Variants in NCOA2 observed in about 807,000 individuals in gnomAD.
The protein encoded by NCOA2 is class E basic helix-loop-helix protein 75.
NCOA2 carries 21 observed loss-of-function variants against 145.1 expected under a neutral mutation model. That is an observed-to-expected ratio of 0.14 (90% CI 0.10 to 0.21). NCOA2 has a LOEUF of 0.21. Ranked by LOEUF, NCOA2 falls within the 10% of genes least tolerant of loss-of-function variation. The pLI is 1.00. For missense variants in NCOA2, 1,472 were observed against 1,837.6 expected (o/e 0.80, Z 3.64); for synonymous variants, 619 against 637.5 (o/e 0.97, Z 0.44).
At chr8:70,404,168 G>A (rs1814646976), upstream of NCOA2, among the ~76,000 whole-genome samples, 1 of 152,214 alleles carries the variant, frequency 6.6e-6, no homozygotes, top group Non-Finnish European at 1.5e-5. Context: ...TAAGGGGACA[G>A]GGGACAAAAT....
intron 12 of NCOA2, among the ~76,000 whole-genome samples, 190 bp downstream of exon 12, chr8:70,148,083 A>G (rs536279675): frequency 1.3e-5 from 2 of 152,190 alleles, no homozygotes; most frequent in East Asian, 3.8e-4. Context: ...CCACAAGAGA[A>G]TGTGAGAGAA....
intron 2 of NCOA2, among the ~76,000 whole-genome samples, chr8:70,284,297 T>C (rs1240226344): frequency 1.3e-5 from 2 of 152,216 alleles, no homozygotes; most frequent in East Asian, 1.9e-4. Context: ...CTCCTCTTTC[T>C]CTTTCACTCC....
chr8:70,225,422 G>GC (rs888852736), intron 2 of NCOA2, among the ~76,000 whole-genome samples: 2 of 151,994 alleles, frequency 1.3e-5, no homozygotes, highest in African/African-American at 2.4e-5. Flanking sequence ...GTTGGCGCAT[G>GC]CCTGTAATCC....
intron 1 of NCOA2, among the ~76,000 whole-genome samples, chr8:70,321,779 G>A (rs1447186943): frequency 8.8e-6 from 1 of 113,556 alleles, no homozygotes; most frequent in African/African-American, 3.2e-5. Context: ...GCTTTCCTAA[G>A]TTTCAGAATA....
chr8:70,249,441 C>T (rs1822913027), intron 2 of NCOA2, among the ~76,000 whole-genome samples: 1 of 152,110 alleles, frequency 6.6e-6, no homozygotes, highest in Non-Finnish European at 1.5e-5. Flanking sequence ...ATATGCAGTG[C>T]CTGAGCAAGT....
chr8:70,215,437 G>C (rs1819511158), intron 3 of NCOA2, among the ~76,000 whole-genome samples: 1 of 152,216 alleles, frequency 6.6e-6, no homozygotes, highest in Non-Finnish European at 1.5e-5. Context: ...CTGACAGACA[G>C]AAGTTTGTGG....
chr8:70,167,912 T>C (rs548305424), intron 6 of NCOA2, among the ~76,000 whole-genome samples: 19 of 152,370 alleles, frequency 1.2e-4, no homozygotes, highest in African/African-American at 4.1e-4. Context: ...TCCAAAGACA[T>C]GTTCAACTAC....
chr8:70,156,521 G>T lies in NCOA2; in HGVS notation c.1844C>A (p.Pro615His). 6.2e-7 allele frequency: 1 copy of T among 1,613,798 alleles called. No homozygotes were observed. The highest frequency in any genetic ancestry group is 8.5e-7 in the Non-Finnish European group (1 of 1,179,854). The change falls in exon 11 of 23, where the codon CCC becomes CAC. Residue 615 changes from proline to histidine, a missense_variant. Physicochemically the swap from Pro to His is moderately conservative, Grantham distance 77. This residue lies in a region of NCOA2 where 953 missense variants were observed against 1,062.1 expected (regional missense o/e 0.90). Transcript: ENST00000452400. ...ACTGCTCACGGCCGGGGGCAGGTTG[G>T]GGTCATTTGTTTCCTTTTGCTCTCC... Reference protein sequence around the residue: ...HPGEQKETNDPNLPPAVSSER... With the variant: ...HPGEQKETNDHNLPPAVSSER...
At chr8:70,195,676 A>G (rs1007353286) in intron 4 of NCOA2, among the ~76,000 whole-genome samples, 2 of 152,228 alleles carry the variant, frequency 1.3e-5, no homozygotes, top group Admixed American at 6.5e-5. Flanking sequence ...AAAGTTCTTG[A>G]TATTTACAAG....
the NCOA2 span, among the ~76,000 whole-genome samples, chr8:70,451,253 T>C: frequency 7.6e-6 from 1 of 131,896 alleles, no homozygotes; most frequent in Non-Finnish European, 1.6e-5. Flanking sequence ...TATATATATA[T>C]ATAAATTAGC....
chr8:70,421,463 C>A, the NCOA2 span, among the ~76,000 whole-genome samples: 9 of 152,034 alleles, frequency 5.9e-5, no homozygotes, highest in Non-Finnish European at 1.2e-4. Flanking sequence ...GATGCGGAGG[C>A]AGGAGGATTG....
chr8:70,272,511 A>AT (rs1247001246), intron 2 of NCOA2, among the ~76,000 whole-genome samples: 2 of 151,618 alleles, frequency 1.3e-5, no homozygotes, highest in South Asian at 2.1e-4. Flanking sequence ...TAAGAGGCTA[A>AT]TTTTTTTTTC....
chr8:70,175,818 CTG>C (rs758651439), intron 4 of NCOA2, among the ~76,000 whole-genome samples: 32 of 152,046 alleles, frequency 2.1e-4, no homozygotes, highest in Non-Finnish European at 4.1e-4. Flanking sequence ...AAATAGAAAA[CTG>C]TAAATCAATT....
intron 1 of NCOA2, among the ~76,000 whole-genome samples, chr8:70,390,425 T>G (rs980057149): frequency 4.6e-5 from 7 of 152,180 alleles, no homozygotes; most frequent in Non-Finnish European, 1.0e-4. Flanking sequence ...GACAAAATCT[T>G]TCCTGCCCAC....
At chr8:70,265,714 G>C (rs1158324980) in intron 2 of NCOA2, among the ~76,000 whole-genome samples, 1 of 152,106 alleles carries the variant, frequency 6.6e-6, no homozygotes, top group African/African-American at 2.4e-5. Context: ...CTGAACCAAC[G>C]CATAGCCTCT....
At chr8:70,195,721 GT>G (rs1478022104) in intron 4 of NCOA2, among the ~76,000 whole-genome samples, 1 of 152,166 alleles carries the variant, frequency 6.6e-6, no homozygotes, top group Non-Finnish European at 1.5e-5. Context: ...AGGAATCACT[GT>G]TTCATCTGAT....
chr8:70,182,814 C>G (rs535157236), intron 4 of NCOA2, among the ~76,000 whole-genome samples: 1 of 152,054 alleles, frequency 6.6e-6, no homozygotes, highest in Non-Finnish European at 1.5e-5. Context: ...CCTATAGGAG[C>G]TTAAATTTAA....
intron 1 of NCOA2, among the ~76,000 whole-genome samples, chr8:70,366,515 CAT>C (rs1020783294): frequency 4.0e-5 from 6 of 149,798 alleles, no homozygotes; most frequent in Non-Finnish European, 4.4e-5. Context: ...GAGAAGAGTT[CAT>C]ATATATATAT....
intron 1 of NCOA2, among the ~76,000 whole-genome samples, chr8:70,306,383 A>C (rs1471880197): frequency 6.6e-6 from 1 of 152,182 alleles, no homozygotes; most frequent in Non-Finnish European, 1.5e-5. Context: ...CCTCCACGTC[A>C]CAGAAGGGCA....
Sources: gnomAD v4.1 joint callset for allele counts (sites outside exome capture counted in the v4.1 genomes callset) on GRCh38, gnomAD v4.1.1 for gene constraint, gnomAD v4.1.1 regional missense constraint, MANE v1.5 for transcripts, NCBI Gene and HGNC (gene_info 2026-07-23, HGNC 2026-07-21) for gene names.